EIF3H: variants seen among roughly 807,000 people sequenced by gnomAD.
EIF3H encodes the protein eukaryotic translation initiation factor 3 subunit H, also known as eIF-3-gamma.
A neutral mutation model predicts 44.2 loss-of-function variants in EIF3H; 26 were observed. The observed-to-expected ratio is 0.59, with a 90% CI of 0.43 to 0.82. EIF3H has a LOEUF of 0.82. Among genes scored for constraint, EIF3H ranks in the 40% least tolerant of loss-of-function variants. The pLI is 0.00. For missense variants in EIF3H, 359 were observed against 432.8 expected, an observed-to-expected ratio of 0.83 and a Z score of 1.51; for synonymous variants, 166 against 151.9, an observed-to-expected ratio of 1.09 and a Z score of -0.68.
upstream of EIF3H, among the ~76,000 whole-genome samples, chr8:116,759,735 A>G (rs78232507): frequency 0.1 from 15,237 of 151,862 alleles, 1,111 homozygotes; most frequent in African/African-American, 0.19. Flanking sequence ...GTGCGCGCGC[A>G]CACACGCACA....
chr8:116,743,734 G>C (rs1299445835), intron 1 of EIF3H, among the ~76,000 whole-genome samples: 1 of 139,992 alleles, frequency 7.1e-6, no homozygotes, highest in African/African-American at 2.6e-5. Flanking sequence ...CTCCAGCCTG[G>C]GCGACAGAGC....
chr8:116,751,995 A>G (rs192693734), intron 1 of EIF3H, among the ~76,000 whole-genome samples: 7 of 152,280 alleles, frequency 4.6e-5, no homozygotes, highest in African/African-American at 1.7e-4. Flanking sequence ...AGAGACTAAA[A>G]GAAAAGCCAA....
At chr8:116,660,683 T>G (rs1813571529) in intron 2 of EIF3H, among the ~76,000 whole-genome samples, 1 of 152,192 alleles carries the variant, frequency 6.6e-6, no homozygotes, top group East Asian at 1.9e-4. Flanking sequence ...AAGTGCCTGT[T>G]TTGAAAGTGG....
rs560671228 is a variant in EIF3H at position 116,695,289 on chromosome 8, G to A, written c.289+30727C>T. On this transcript the variant is annotated intron_variant, in intron 2 of 7. Coordinates refer to ENST00000521861, the MANE Select transcript of EIF3H (RefSeq NM_003756.3). ...TCACCATGTTGGCCAGGCTAGTCTC[G>A]AACTCCTGGATCTCCTGGCCTCAAA... 5.9e-5 allele frequency among the ~76,000 whole-genome samples: 9 copies of A among 152,182 alleles called. No homozygotes were observed. In the East Asian group the frequency reaches 1.4e-3, roughly 23 times the overall value.
At chr8:116,681,054 C>G (rs1813979952) in intron 2 of EIF3H, among the ~76,000 whole-genome samples, 1 of 151,630 alleles carries the variant, frequency 6.6e-6, no homozygotes, top group South Asian at 2.1e-4. Flanking sequence ...TGTACTTAAT[C>G]TGAAACACAT....
intron 6 of EIF3H, 21 bp from the exon 7 acceptor site, chr8:116,646,624 G>A: frequency 6.2e-7 from 1 of 1,612,388 alleles, no homozygotes. Context: ...AAGGGAAAAT[G>A]GTTTGGTTAT....
At chr8:116,687,925 T>A (rs1814103931) in intron 2 of EIF3H, among the ~76,000 whole-genome samples, 1 of 152,062 alleles carries the variant, frequency 6.6e-6, no homozygotes, top group Admixed American at 6.6e-5. Flanking sequence ...TGTAAAAAAA[T>A]AAAGTACTTT....
At chr8:116,656,918 A>G (rs1813500555) in intron 4 of EIF3H, among the ~76,000 whole-genome samples, 1 of 152,190 alleles carries the variant, frequency 6.6e-6, no homozygotes, top group African/African-American at 2.4e-5. Context: ...TCTGACAGCC[A>G]CTGATCACTC....
chr8:116,689,123 G>T, intron 2 of EIF3H: 1 of 447,490 alleles, frequency 2.2e-6, no homozygotes, highest in Non-Finnish European at 4.5e-6. Flanking sequence ...TCTGATGTAT[G>T]CTGCACTATG....
intron 1 of EIF3H, among the ~76,000 whole-genome samples, chr8:116,763,047 G>A (rs1815533997): frequency 6.6e-6 from 1 of 152,224 alleles, no homozygotes; most frequent in African/African-American, 2.4e-5. Flanking sequence ...AAGAAGAGAA[G>A]AGATATTGGG....
intron 2 of EIF3H, among the ~76,000 whole-genome samples, chr8:116,664,350 G>A (rs938421797): frequency 6.6e-6 from 1 of 152,176 alleles, no homozygotes; most frequent in African/African-American, 2.4e-5. Context: ...AAAATAATAT[G>A]CTGTCTTACA....
At chr8:116,648,380 G>T (rs995445871) in intron 6 of EIF3H, among the ~76,000 whole-genome samples, 9 of 152,278 alleles carry the variant, frequency 5.9e-5, no homozygotes, top group African/African-American at 1.9e-4. Flanking sequence ...ACAGCAGTTG[G>T]TCTATTATTT....
chr8:116,725,902 A>G (rs1398227494), intron 2 of EIF3H, 114 bp downstream of exon 2: 2 of 1,268,330 alleles, frequency 1.6e-6, no homozygotes, highest in African/African-American at 3.0e-5. Flanking sequence ...CATCAAGTGA[A>G]GTAGGCTAGC....
chr8:116,760,507 T>A (rs1432101982), upstream of EIF3H, among the ~76,000 whole-genome samples: 1 of 152,258 alleles, frequency 6.6e-6, no homozygotes, highest in African/African-American at 2.4e-5. Flanking sequence ...ATTTTCTGTA[T>A]GTTTGCTAAA....
At chr8:116,764,730 G>T (rs374005121) in intron 1 of EIF3H, among the ~76,000 whole-genome samples, 5 of 152,216 alleles carry the variant, frequency 3.3e-5, no homozygotes, top group African/African-American at 1.2e-4. Context: ...TTTTGCCCAG[G>T]CTGGTTTCCA....
In EIF3H at chr8:116,755,770, A is replaced by G. The variant is rs1442451222; in HGVS notation, c.28T>C (p.Ser10Pro). ...GTGGAGCTGGAAGAGGTGGCAGTAGAGCCGGTACCTTCCTTGCGGGACGCC... is the reference window on the plus strand; with the variant it reads ...GTGGAGCTGGAAGAGGTGGCAGTAGGGCCGGTACCTTCCTTGCGGGACGCC... MASRKEGTG[S>P]TATSSSSTAG... is the part of the protein sequence containing the mutation. Residue 10 changes from serine (S) to proline (P), a missense_variant, in exon 1 of 8, where the codon TCT (serine) becomes CCT (proline). Around this residue, in one of 5 missense-constraint regions of EIF3H, gnomAD observed 59 missense variants for 33.5 expected, o/e 1.76. Coordinates refer to ENST00000521861, the MANE Select transcript of EIF3H (RefSeq NM_003756.3). The G allele has an allele frequency of 1.9e-6, 3 of 1,613,976 alleles. No individual in the cohort carries two copies. Among genetic ancestry groups the G allele is most frequent in the Non-Finnish European group, 2.5e-6 (3 of 1,180,036 alleles).
intron 5 of EIF3H, among the ~76,000 whole-genome samples, chr8:116,649,313 A>T (rs1045394937): frequency 2.0e-5 from 3 of 152,210 alleles, no homozygotes; most frequent in African/African-American, 7.2e-5. Context: ...ATCAGTAATC[A>T]CAGGAAAGAA....
At chr8:116,692,590 A>T (rs1814197191) in intron 2 of EIF3H, among the ~76,000 whole-genome samples, 1 of 152,236 alleles carries the variant, frequency 6.6e-6, no homozygotes, top group East Asian at 1.9e-4. Context: ...TTACTTAATT[A>T]AGACAGGATT....
At chr8:116,718,611 A>C (rs1387089106) in intron 2 of EIF3H, among the ~76,000 whole-genome samples, 2 of 152,038 alleles carry the variant, frequency 1.3e-5, no homozygotes, top group South Asian at 2.1e-4. Flanking sequence ...TTCTAAGTGA[A>C]GTAACTCGGG....
Sources: gnomAD v4.1 joint callset for allele counts (sites outside exome capture counted in the v4.1 genomes callset) on GRCh38, gnomAD v4.1.1 for gene constraint, gnomAD v4.1.1 regional missense constraint, MANE v1.5 for transcripts, NCBI Gene and HGNC (gene_info 2026-07-23, HGNC 2026-07-21) for gene names.